The following PSMD1 variants were observed in gnomAD, a reference collection of about 807,000 sequenced individuals.
The protein encoded by PSMD1 is 26S proteasome non-ATPase regulatory subunit 1.
A neutral mutation model predicts 119.0 loss-of-function variants in PSMD1; 18 were observed. That is an observed-to-expected ratio of 0.15 (90% CI 0.10 to 0.22). PSMD1 has a LOEUF of 0.22. Among genes scored for constraint, PSMD1 ranks in the 10% least tolerant of loss-of-function variants. The pLI, the probability that PSMD1 is intolerant of heterozygous loss-of-function variation, is 1.00. For missense variants in PSMD1, 702 were observed against 1,158.5 expected (o/e 0.61, Z 5.72); for synonymous variants, 374 against 396.6 (o/e 0.94, Z 0.68).
At chr2:231,080,363 A>G (rs774738168) in intron 12 of PSMD1, 49 bp downstream of exon 12, 1 of 1,429,236 alleles carries the variant, frequency 7.0e-7, no homozygotes, top group South Asian at 1.4e-5. Flanking sequence ...AGAATCCAGG[A>G]TAACATATTT....
intron 16 of PSMD1, chr2:231,113,851 A>C (rs556182467): frequency 6.2e-7 from 1 of 1,614,196 alleles, no homozygotes; most frequent in East Asian, 2.2e-5. Context: ...ACAGAGATGC[A>C]TGATGGATGC....
chr2:231,119,504 C>T (rs2125225233), intron 16 of PSMD1, among the ~76,000 whole-genome samples: 1 of 152,318 alleles, frequency 6.6e-6, no homozygotes, highest in East Asian at 1.9e-4. Context: ...AGCCATCTTT[C>T]AGCCATTTTA....
chr2:231,118,033 T>C lies in PSMD1; in HGVS notation c.1884-20703T>C, dbSNP rs150896563. On this transcript the variant is annotated intron_variant, in intron 16 of 24. Coordinates refer to ENST00000308696, the MANE Select transcript of PSMD1 (RefSeq NM_002807.4). ...AGAGTGTGAATTCTAGAATCAGTCCTCCTGGGTTTAAATCATGTCTCTGCC... is the reference window on the plus strand; with the variant it reads ...AGAGTGTGAATTCTAGAATCAGTCCCCCTGGGTTTAAATCATGTCTCTGCC... Among the ~76,000 whole-genome samples, 1,036 of 152,226 alleles carry C rather than the reference T, an allele frequency of 6.8e-3. 17 individuals are homozygous for C. Among genetic ancestry groups the C allele is most frequent in the African/African-American group, 0.024 (998 of 41,522 alleles).
At chr2:231,151,779 A>G (rs1190386929) in intron 18 of PSMD1, among the ~76,000 whole-genome samples, 2 of 151,534 alleles carry the variant, frequency 1.3e-5, no homozygotes, top group East Asian at 3.9e-4. Context: ...TTGTCGAACC[A>G]GAATAAAAGC....
chr2:231,151,900 C>T (rs1176755956), intron 18 of PSMD1, among the ~76,000 whole-genome samples: 2 of 147,930 alleles, frequency 1.4e-5, no homozygotes, highest in African/African-American at 2.5e-5. Flanking sequence ...GCAACCTTTG[C>T]CTCCTGGATT....
At chr2:231,139,657 G>A (rs1271520807) in intron 17 of PSMD1, among the ~76,000 whole-genome samples, 2 of 151,380 alleles carry the variant, frequency 1.3e-5, no homozygotes, top group Non-Finnish European at 2.9e-5. Flanking sequence ...TATGTTACAT[G>A]TTTAATTTGT....
chr2:231,153,501 T>C lies in PSMD1; in HGVS notation c.2116-63T>C, dbSNP rs1186345039. ...TTATCATTGGAGCAATATTATTCCC[T>C]GTTCTAAAATGGTACCGCAAATGAG... is the stretch of plus-strand genomic sequence containing the variant. On this transcript the variant is annotated intron_variant, in intron 18 of 24. Transcript: ENST00000308696. 8.0e-6 allele frequency: 9 copies of C among 1,121,188 alleles called. No homozygotes were observed. In the Admixed American group the frequency reaches 1.7e-4, roughly 21 times the overall value. 69.5% of individuals were successfully genotyped at this position (1,121,188 alleles called of 1,614,324 possible).
rs1694276828 is a variant in PSMD1 at position 231,080,262 on chromosome 2, G to A, written c.1361G>A (p.Gly454Asp). The A allele has an allele frequency of 1.2e-6, 2 of 1,612,966 alleles. No individual in the cohort carries two copies. Among genetic ancestry groups the A allele is most frequent in the African/African-American group, 2.7e-5 (2 of 74,896 alleles). Residue 454 changes from glycine (G) to aspartate (D), a missense_variant, in exon 12 of 25, where the codon GGT becomes GAT. Physicochemically the swap from Gly to Asp is moderately conservative, Grantham distance 94. This residue lies in a region of PSMD1 where 272 missense variants were observed against 511.6 expected (regional missense o/e 0.53). Transcript: ENST00000308696. ...CTAGGTCTTATTCATGCCAATCATG[G>A]TGGTGATATAATTGACTATCTGCTT... ...YALGLIHANH[G>D]GDIIDYLLNQ...
At chr2:231,108,680 A>G in intron 16 of PSMD1, 1 of 1,614,138 alleles carries the variant, frequency 6.2e-7, no homozygotes, top group South Asian at 1.1e-5. Flanking sequence ...ATGTTTCTTG[A>G]AAAACTTAGA....
chr2:231,170,830 A>G lies in PSMD1; in HGVS notation c.*9+109A>G, dbSNP rs1696895796. 2.5e-6 allele frequency: 3 copies of G among 1,209,150 alleles called. No homozygotes were observed. Among genetic ancestry groups the G allele is most frequent in the South Asian group, 1.7e-5 (1 of 59,136 alleles). 74.9% of individuals were successfully genotyped at this position (1,209,150 alleles called of 1,614,324 possible). A position where few individuals can be genotyped will look rare whatever the true frequency, so the allele number is the denominator to read the frequency against. On this transcript the variant is annotated intron_variant, in intron 24 of 24. Coordinates refer to ENST00000308696, the MANE Select transcript of PSMD1 (RefSeq NM_002807.4). The surrounding 1 kb of genome is among the most constrained non-coding windows in gnomAD (Gnocchi z 4.1). Reference sequence around the variant, plus strand: ...TTCCTTCCTTTTGTGTTTAATCCTTATTTACCTAAACAGTATTAAAACTTC... The same window carrying G: ...TTCCTTCCTTTTGTGTTTAATCCTTGTTTACCTAAACAGTATTAAAACTTC...
intron 9 of PSMD1, among the ~76,000 whole-genome samples, chr2:231,078,135 G>A (rs1054891769): frequency 2.0e-5 from 3 of 152,170 alleles, no homozygotes; most frequent in African/African-American, 7.2e-5. Context: ...GGGCATGGTG[G>A]TACATACCTG....
chr2:231,167,051 T>C (rs138286672), intron 23 of PSMD1, among the ~76,000 whole-genome samples: 3 of 152,342 alleles, frequency 2.0e-5, no homozygotes, highest in Admixed American at 2.0e-4. Flanking sequence ...CTCCTGTTGA[T>C]GTTGTGGAGA....
At chr2:231,138,007 A>G (rs1224032897) in intron 16 of PSMD1, among the ~76,000 whole-genome samples, 1 of 152,208 alleles carries the variant, frequency 6.6e-6, no homozygotes, top group African/African-American at 2.4e-5. Context: ...ATTCAAGATC[A>G]TAACATTACC....
intron 19 of PSMD1, 36 bp from the exon 20 acceptor site, chr2:231,161,304 A>G: frequency 1.3e-6 from 2 of 1,500,292 alleles, no homozygotes; most frequent in South Asian, 1.2e-5. Context: ...ATAGGACAAT[A>G]CTATTATTGT....
At chr2:231,161,252 AG>A (rs369410468) in intron 19 of PSMD1, 87 bp from the exon 20 acceptor site, 9 of 1,225,954 alleles carry the variant, frequency 7.3e-6, no homozygotes, top group Admixed American at 2.5e-5. Context: ...AAAAAAAAAA[AG>A]AAAGAAAGAA....
intron 16 of PSMD1, among the ~76,000 whole-genome samples, chr2:231,093,818 G>C (rs1212006724): frequency 6.6e-6 from 1 of 151,892 alleles, no homozygotes; most frequent in Non-Finnish European, 1.5e-5. Flanking sequence ...ATGTTCTACT[G>C]TCCTTGGGGG....
chr2:231,126,286 C>T (rs1695717246), intron 16 of PSMD1, among the ~76,000 whole-genome samples: 1 of 151,966 alleles, frequency 6.6e-6, no homozygotes, highest in Non-Finnish European at 1.5e-5. Context: ...CCCGTAGTCC[C>T]AGCTACTGGG....
At chr2:231,111,248 C>G (rs185627217) in intron 16 of PSMD1, among the ~76,000 whole-genome samples, 1 of 152,186 alleles carries the variant, frequency 6.6e-6, no homozygotes, top group African/African-American at 2.4e-5. Flanking sequence ...AGAACAATCC[C>G]TAAGATTATG....
intron 16 of PSMD1, among the ~76,000 whole-genome samples, chr2:231,093,050 A>T (rs1694638011): frequency 6.6e-6 from 1 of 152,184 alleles, no homozygotes; most frequent in Non-Finnish European, 1.5e-5. Context: ...CTCCTAGCCA[A>T]GCAGTTATGT....
Sources: gnomAD v4.1 joint callset for allele counts (sites outside exome capture counted in the v4.1 genomes callset) on GRCh38, gnomAD v4.1.1 for gene constraint, gnomAD v4.1.1 regional missense constraint, Gnocchi (gnomAD v3.1) non-coding constraint, MANE v1.5 for transcripts, NCBI Gene and HGNC (gene_info 2026-07-23, HGNC 2026-07-21) for gene names.